Variants in PTPRT observed in about 807,000 individuals in gnomAD.
The protein encoded by PTPRT is protein tyrosine phosphatase receptor type T.
A neutral mutation model predicts 176.8 loss-of-function variants in PTPRT; 56 were observed. The ratio of observed to expected loss-of-function variants is 0.32; its 90% CI spans 0.26 to 0.40. The LOEUF is 0.40. Ranked by LOEUF, PTPRT falls within the 10% of genes least tolerant of loss-of-function variation. PTPRT has a pLI of 1.00. For synonymous variants in PTPRT, 783 were observed against 739.0 expected (o/e 1.06, Z -0.96); for missense variants, 1,540 against 1,908.2 (o/e 0.81, Z 3.60).
At chr20:42,991,779 T>C (rs62204038) in intron 1 of PTPRT, among the ~76,000 whole-genome samples, 2,072 of 152,312 alleles carry the variant, frequency 0.014, 30 homozygotes, top group Non-Finnish European at 0.02. Context: ...AAACACATAA[T>C]ATAAGCATAT....
At chr20:42,248,662 C>T (rs1465180931) in intron 14 of PTPRT, 25 bp downstream of exon 14, 2 of 1,612,728 alleles carry the variant, frequency 1.2e-6, no homozygotes, top group Admixed American at 1.7e-5. Flanking sequence ...TCAGCAGAGT[C>T]TTGCAGGCAG....
intron 1 of PTPRT, among the ~76,000 whole-genome samples, chr20:43,037,326 T>G (rs1310484227): frequency 6.6e-6 from 1 of 152,254 alleles, no homozygotes; most frequent in Admixed American, 6.5e-5. Context: ...AAAACTGATT[T>G]GACTACATAA....
At chr20:42,955,962 G>A (rs1357785518) in intron 1 of PTPRT, among the ~76,000 whole-genome samples, 1 of 152,222 alleles carries the variant, frequency 6.6e-6, no homozygotes, top group African/African-American at 2.4e-5. Context: ...GCACACGGCA[G>A]TGTGGAAGCC....
intron 2 of PTPRT, among the ~76,000 whole-genome samples, chr20:42,802,126 C>T (rs1427354106): frequency 6.6e-6 from 1 of 152,126 alleles, no homozygotes. Flanking sequence ...GGTCCCATAC[C>T]CAGTAGATTT....
intron 9 of PTPRT, among the ~76,000 whole-genome samples, chr20:42,413,294 T>G (rs995130557): frequency 6.6e-6 from 1 of 152,176 alleles, no homozygotes; most frequent in Non-Finnish European, 1.5e-5. Context: ...GTGGTTTGAG[T>G]GCTTCTCCTA....
rs543297849 is a variant in PTPRT, at chr20:42,102,589, T to C, written c.3541-292A>G. ...CATAGTACCTGCCAACCAGATGAAC[T>C]AAGTCGTTCAGCTCAGCCAGTGCTG... is the stretch of plus-strand genomic sequence containing the variant. On this transcript the variant is annotated intron_variant, in intron 25 of 30. Coordinates refer to ENST00000373187, the MANE Select transcript of PTPRT (RefSeq NM_007050.6). Among the ~76,000 whole-genome samples, 3 of 152,102 alleles carry C rather than the reference T, an allele frequency of 2.0e-5. No individual in the cohort carries two copies. In the East Asian group the frequency reaches 5.8e-4, roughly 30 times the overall value.
intron 7 of PTPRT, among the ~76,000 whole-genome samples, chr20:42,526,183 C>T (rs1046607768): frequency 2.6e-5 from 4 of 152,094 alleles, no homozygotes; most frequent in Non-Finnish European, 4.4e-5. Context: ...GTTTAAGACT[C>T]TCTTAATTTC....
intron 7 of PTPRT, among the ~76,000 whole-genome samples, chr20:42,529,589 C>T (rs6124470): frequency 6.6e-5 from 10 of 152,074 alleles, no homozygotes; most frequent in Non-Finnish European, 1.5e-4. Flanking sequence ...CAGGTTCAAG[C>T]GATTCTCCTG....
intron 6 of PTPRT, among the ~76,000 whole-genome samples, chr20:42,682,078 T>G (rs896013868): frequency 6.6e-6 from 1 of 152,338 alleles, no homozygotes; most frequent in East Asian, 1.9e-4. Context: ...TGTTAGAATG[T>G]TCTCTATATA....
chr20:42,529,404 G>A (rs1218890965), intron 7 of PTPRT, among the ~76,000 whole-genome samples: 1 of 152,206 alleles, frequency 6.6e-6, no homozygotes, highest in African/African-American at 2.4e-5. Context: ...ATGGATGGAA[G>A]AATGGGAGAA....
chr20:42,295,815 G>C (rs1404119889), intron 12 of PTPRT, among the ~76,000 whole-genome samples: 37 of 152,132 alleles, frequency 2.4e-4, no homozygotes, highest in Admixed American at 2.4e-3. Flanking sequence ...CATAGGGGTG[G>C]TTCCCACATG....
chr20:42,081,773 T>C, intron 30 of PTPRT, 109 bp downstream of exon 30: 1 of 1,388,126 alleles, frequency 7.2e-7, no homozygotes. Flanking sequence ...AATGCAGGTA[T>C]ACAATTAGCA....
At chr20:42,428,750 T>C (rs988006909) in intron 9 of PTPRT, among the ~76,000 whole-genome samples, 2 of 152,020 alleles carry the variant, frequency 1.3e-5, no homozygotes, top group Admixed American at 6.5e-5. Flanking sequence ...TCATCCCATT[T>C]GTTTTTTCCC....
intron 12 of PTPRT, among the ~76,000 whole-genome samples, chr20:42,313,797 A>G (rs2145365872): frequency 6.6e-6 from 1 of 152,310 alleles, no homozygotes; most frequent in African/African-American, 2.4e-5. Flanking sequence ...CGGGAAGACC[A>G]GATGGACAGG....
chr20:42,159,005 G>A (rs550704766), intron 17 of PTPRT, among the ~76,000 whole-genome samples: 8 of 152,064 alleles, frequency 5.3e-5, no homozygotes, highest in East Asian at 1.9e-4. Flanking sequence ...AATCTAGAAC[G>A]AAATGCATGA....
intron 9 of PTPRT, among the ~76,000 whole-genome samples, chr20:42,382,885 T>C (rs1434395463): frequency 6.6e-6 from 1 of 152,168 alleles, no homozygotes; most frequent in African/African-American, 2.4e-5. Context: ...CTACTACTGA[T>C]AGGATCTCCA....
intron 12 of PTPRT, among the ~76,000 whole-genome samples, chr20:42,288,720 T>C (rs944899658): frequency 6.6e-6 from 1 of 152,090 alleles, no homozygotes; most frequent in Non-Finnish European, 1.5e-5. Flanking sequence ...GGCTGCATAG[T>C]ATTCCATGGA....
intron 12 of PTPRT, among the ~76,000 whole-genome samples, chr20:42,286,000 T>C (rs574627809): frequency 6.6e-6 from 1 of 151,684 alleles, no homozygotes; most frequent in African/African-American, 2.4e-5. Context: ...CTACCAAAAG[T>C]AATAAAATAC....
At chr20:42,606,813 G>A (rs1050647645) in intron 7 of PTPRT, 4 of 152,140 alleles carry the variant, frequency 2.6e-5, no homozygotes, top group African/African-American at 7.2e-5. Flanking sequence ...GAAGCATTGT[G>A]TCCAGTTGCC....
Sources: allele counts gnomAD v4.1 joint callset (sites outside exome capture counted in the v4.1 genomes callset), GRCh38; gene constraint gnomAD v4.1.1; transcripts MANE v1.5; gene names NCBI Gene and HGNC (gene_info 2026-07-23, HGNC 2026-07-21).